The following SMIM35 variants were observed in gnomAD, a reference collection of about 807,000 sequenced individuals.
SMIM35 encodes the protein small integral membrane protein 35.
Position 118,005,472 on chromosome 11 carries a change from T to G in SMIM35, c.*938A>C, listed in dbSNP as rs2071434263. 1 of 152,256 alleles carries G rather than the reference T, an allele frequency of 6.6e-6. No individual in the cohort carries two copies. Among genetic ancestry groups the G allele is most frequent in the South Asian group, 2.1e-4 (1 of 4,832 alleles). The allele number at this position is 152,256 out of a possible 1,614,324, so 9.4% of individuals were successfully genotyped here. A position where few individuals can be genotyped will look rare whatever the true frequency, so the allele number is the denominator to read the frequency against. Reference sequence around the variant, plus strand: ...GTTTCTCTCCAGAACTCTATCCAGCTGCCTCATCAGCAGCTCCGTCCAGCA... The same window carrying G: ...GTTTCTCTCCAGAACTCTATCCAGCGGCCTCATCAGCAGCTCCGTCCAGCA... On this transcript the variant is annotated 3_prime_UTR_variant, in exon 5 of 5. Coordinates refer to ENST00000689828, the MANE Select transcript of SMIM35 (RefSeq NM_001394165.1).
Position 118,052,869 on chromosome 11 carries a change from G to GTGC in SMIM35, c.7+33879_7+33881dup, listed in dbSNP as rs148771415. On this transcript the variant is annotated intron_variant, in intron 1 of 4. Transcript: ENST00000689828. ...AGACAGAATCAACACTTCATCCTGG[G>GTGC]TGCTGCCACCACGCTCAGCATGTCC... Among the ~76,000 whole-genome samples, 486 of 152,060 alleles carry GTGC rather than the reference G, an allele frequency of 3.2e-3. 2 individuals are homozygous for GTGC. The highest frequency in any genetic ancestry group is 0.011 in the African/African-American group (474 of 41,474).
At chr11:118,048,626 G>A (rs1477746577) in intron 1 of SMIM35, among the ~76,000 whole-genome samples, 1 of 151,352 alleles carries the variant, frequency 6.6e-6, no homozygotes, top group African/African-American at 2.4e-5. Context: ...AGGAAGGAGA[G>A]AGAGAGAGAA....
At chr11:118,029,270 T>A (rs2135052905) in intron 1 of SMIM35, among the ~76,000 whole-genome samples, 1 of 152,288 alleles carries the variant, frequency 6.6e-6, no homozygotes, top group East Asian at 1.9e-4. Context: ...AAGACCAGCC[T>A]GGCCAACGAA....
At chr11:118,014,924 C>A (rs947858882) in intron 2 of SMIM35, among the ~76,000 whole-genome samples, 183 bp from the exon 3 acceptor site, 2 of 152,158 alleles carry the variant, frequency 1.3e-5, no homozygotes, top group Non-Finnish European at 1.5e-5. Flanking sequence ...TCCTGATTAT[C>A]CTGGGATGAA....
At chr11:118,077,858 A>C (rs901277863) in intron 1 of SMIM35, among the ~76,000 whole-genome samples, 4 of 151,868 alleles carry the variant, frequency 2.6e-5, no homozygotes, top group East Asian at 1.9e-4. Flanking sequence ...CTAAAAATAC[A>C]AAAAATTAGC....
intron 1 of SMIM35, among the ~76,000 whole-genome samples, chr11:118,016,806 TAGGAG>T (rs2058186798): frequency 6.6e-6 from 1 of 152,220 alleles, no homozygotes; most frequent in African/African-American, 2.4e-5. Context: ...AGAGAGCACT[TAGGAG>T]AGGATCTGAC....
intron 1 of SMIM35, among the ~76,000 whole-genome samples, chr11:118,084,790 C>G (rs986405321): frequency 6.6e-6 from 1 of 152,244 alleles, no homozygotes. Flanking sequence ...AAGTCATATT[C>G]TCCCCATTTT....
At chr11:118,062,279 A>G (rs1944404380) in intron 1 of SMIM35, among the ~76,000 whole-genome samples, 1 of 152,204 alleles carries the variant, frequency 6.6e-6, no homozygotes, top group African/African-American at 2.4e-5. Context: ...GCAGTGAGCC[A>G]AGACTGTGCC....
At chr11:118,011,999 T>C (rs1752176626) in intron 4 of SMIM35, among the ~76,000 whole-genome samples, 1 of 152,200 alleles carries the variant, frequency 6.6e-6, no homozygotes, top group African/African-American at 2.4e-5. Flanking sequence ...GGGTAAGGGC[T>C]GGTGAGGCTC....
intron 1 of SMIM35, among the ~76,000 whole-genome samples, chr11:118,023,979 C>T (rs755961836): frequency 4.7e-5 from 7 of 148,940 alleles, no homozygotes; most frequent in African/African-American, 1.2e-4. Context: ...GGTTGCACTG[C>T]ACTTCAGCCT....
chr11:118,010,309 C>T (rs1310528593), intron 4 of SMIM35, among the ~76,000 whole-genome samples: 1 of 152,206 alleles, frequency 6.6e-6, no homozygotes. Flanking sequence ...CTGGCCCCCT[C>T]CAATGCCACT....
intron 1 of SMIM35, among the ~76,000 whole-genome samples, chr11:118,080,702 G>A (rs1284331676): frequency 6.6e-6 from 1 of 152,194 alleles, no homozygotes; most frequent in Non-Finnish European, 1.5e-5. Context: ...CATGGGTAGA[G>A]GGAGAGATGA....
chr11:118,024,693 G>A (rs1182576892), intron 1 of SMIM35, among the ~76,000 whole-genome samples: 2 of 152,068 alleles, frequency 1.3e-5, no homozygotes, highest in Non-Finnish European at 2.9e-5. Context: ...GGCTGGTGTC[G>A]AACTCCTGAC....
intron 1 of SMIM35, among the ~76,000 whole-genome samples, chr11:118,031,208 A>G (rs2058316931): frequency 6.6e-6 from 1 of 152,206 alleles, no homozygotes; most frequent in East Asian, 1.9e-4. Flanking sequence ...ATATAAATAG[A>G]TATAGAAACG....
At chr11:118,051,254 A>T (rs758439253) in intron 1 of SMIM35, among the ~76,000 whole-genome samples, 4 of 152,190 alleles carry the variant, frequency 2.6e-5, no homozygotes, top group Non-Finnish European at 5.9e-5. Context: ...CCTGAAACAG[A>T]TGGGAGTTTC....
intron 1 of SMIM35, among the ~76,000 whole-genome samples, chr11:118,063,754 A>C (rs545175160): frequency 1.3e-5 from 2 of 152,382 alleles, no homozygotes; most frequent in Admixed American, 1.3e-4. Context: ...GTCTCCATAA[A>C]AGCCTAAAAA....
chr11:118,016,441 G>A (rs1045518166), intron 1 of SMIM35, among the ~76,000 whole-genome samples: 3 of 152,234 alleles, frequency 2.0e-5, no homozygotes, highest in Non-Finnish European at 4.4e-5. Context: ...TTCTGAGGAA[G>A]AGGCTGACAG....
At chr11:118,030,979 AG>A (rs1385188258) in intron 1 of SMIM35, among the ~76,000 whole-genome samples, 1 of 152,140 alleles carries the variant, frequency 6.6e-6, no homozygotes, top group Non-Finnish European at 1.5e-5. Context: ...AGGACATGGC[AG>A]CAGAGATTGG....
intron 1 of SMIM35, among the ~76,000 whole-genome samples, chr11:118,019,933 A>G (rs544162283): frequency 1.3e-5 from 2 of 152,176 alleles, no homozygotes; most frequent in Non-Finnish European, 2.9e-5. Context: ...ACATGTAATG[A>G]CAAACACTGC....
Sources: gnomAD v4.1 joint callset for allele counts (sites outside exome capture counted in the v4.1 genomes callset) on GRCh38, gnomAD v4.1.1 for gene constraint, MANE v1.5 for transcripts, NCBI Gene and HGNC (gene_info 2026-07-23, HGNC 2026-07-21) for gene names.